The following ADAM10 variants were observed in gnomAD, a reference collection of about 807,000 sequenced individuals.
ADAM10 encodes ADAM metallopeptidase domain 10.
ADAM10 carries 17 observed loss-of-function variants against 90.1 expected under a neutral mutation model. The ratio of observed to expected loss-of-function variants is 0.19; its 90% CI spans 0.13 to 0.28. ADAM10 has a LOEUF of 0.28. ADAM10 is among the 10% of genes least tolerant of loss of function. The pLI is 1.00. For missense variants in ADAM10, 610 were observed against 914.3 expected (o/e 0.67, Z 4.29); for synonymous variants, 310 against 298.6 (o/e 1.04, Z -0.40).
intron 2 of ADAM10, among the ~76,000 whole-genome samples, chr15:58,702,587 T>C (rs528917194): frequency 6.6e-6 from 1 of 152,342 alleles, no homozygotes; most frequent in South Asian, 2.1e-4. Flanking sequence ...CATGTACAAG[T>C]ATTATGTATT....
chr15:58,677,309 A>G (rs1428976407), intron 4 of ADAM10, among the ~76,000 whole-genome samples: 5 of 152,208 alleles, frequency 3.3e-5, no homozygotes, highest in African/African-American at 1.2e-4. Flanking sequence ...ACAAACATAT[A>G]TTTACTTAAA....
chr15:58,726,818 A>G (rs1313714773), intron 1 of ADAM10, among the ~76,000 whole-genome samples: 1 of 150,702 alleles, frequency 6.6e-6, no homozygotes, highest in African/African-American at 2.4e-5. Context: ...CACTATGATC[A>G]CATTTGTGAA....
At chr15:58,717,423 T>G (rs1291545653) in intron 2 of ADAM10, among the ~76,000 whole-genome samples, 154 bp downstream of exon 2, 3 of 152,194 alleles carry the variant, frequency 2.0e-5, no homozygotes, top group Non-Finnish European at 4.4e-5. Context: ...TTAAAATAAG[T>G]CATTTTTTAA....
At chr15:58,626,565 A>G (rs565327752) in intron 10 of ADAM10, among the ~76,000 whole-genome samples, 8 of 152,310 alleles carry the variant, frequency 5.3e-5, no homozygotes, top group Non-Finnish European at 1.0e-4. Flanking sequence ...CAAGAAAGAC[A>G]TAACAGATGA....
intron 5 of ADAM10, among the ~76,000 whole-genome samples, chr15:58,655,687 T>TATATA: frequency 1.2e-5 from 1 of 80,306 alleles, no homozygotes; most frequent in South Asian, 4.3e-4. Context: ...CATATATATA[T>TATATA]TATATATAGT....
intron 2 of ADAM10, among the ~76,000 whole-genome samples, chr15:58,706,543 T>C (rs1451681058): frequency 4.6e-5 from 7 of 152,138 alleles, no homozygotes; most frequent in African/African-American, 1.7e-4. Flanking sequence ...ACTAGTATAC[T>C]TTTTAAAATA....
chr15:58,722,146 C>G (rs1397633038), intron 1 of ADAM10, among the ~76,000 whole-genome samples: 6 of 151,992 alleles, frequency 3.9e-5, no homozygotes, highest in Non-Finnish European at 5.9e-5. Flanking sequence ...TCAAGGCCAG[C>G]CTGGCCAACA....
chr15:58,631,579 C>T (rs533936216), intron 9 of ADAM10, among the ~76,000 whole-genome samples: 2 of 152,152 alleles, frequency 1.3e-5, no homozygotes, highest in South Asian at 4.2e-4. Context: ...CCATCAAAGA[C>T]CTACTAAAAA....
In ADAM10 at chr15:58,680,433, T is replaced by A. The variant is rs115902202; in HGVS notation, c.326-1151A>T. 6.1e-3 allele frequency among the ~76,000 whole-genome samples: 936 copies of A among 152,246 alleles called. 16 individuals carry two copies. The highest frequency in any genetic ancestry group is 0.022 in the African/African-American group (893 of 41,534). On this transcript the variant is annotated intron_variant, in intron 3 of 15. Coordinates refer to ENST00000260408, the MANE Select transcript of ADAM10 (RefSeq NM_001110.4). ...TCACCACGCCCAGCCTATAAACACATTTTTAAATAGAACAGTGTCAAATAT... is the reference window on the plus strand; with the variant it reads ...TCACCACGCCCAGCCTATAAACACAATTTTAAATAGAACAGTGTCAAATAT...
chr15:58,610,330 T>A lies in ADAM10; in HGVS notation c.1992A>T (p.Pro664=). ...LARLKKAIFS[P]ELYENIAEWI... The stretch of plus-strand genomic sequence containing the variant: ...ATTCAGCAATGTTTTCATAGAGCTC[T>A]GGACTAAAAATTGCTTTTTTAAGCC... The change falls in exon 14 of 16, where the codon CCA becomes CCT. Residue 664 remains proline, a synonymous_variant. Transcript: ENST00000260408. 1 of 1,614,180 alleles carries A rather than the reference T, an allele frequency of 6.2e-7. No individual in the cohort carries two copies. Among genetic ancestry groups the A allele is most frequent in the Non-Finnish European group, 8.5e-7 (1 of 1,179,998 alleles).
intron 11 of ADAM10, among the ~76,000 whole-genome samples, chr15:58,613,145 A>G (rs1302707885): frequency 6.6e-6 from 1 of 152,198 alleles, no homozygotes. Context: ...CCATTACCAC[A>G]AACTTCTACA....
chr15:58,654,492 C>G (rs1049172719), intron 5 of ADAM10, among the ~76,000 whole-genome samples: 1 of 152,176 alleles, frequency 6.6e-6, no homozygotes, highest in Non-Finnish European at 1.5e-5. Flanking sequence ...AATCCTCCTG[C>G]CTCAGCCTCC....
chr15:58,629,510 C>T (rs1177916406), intron 9 of ADAM10: 2 of 152,070 alleles, frequency 1.3e-5, no homozygotes, highest in African/African-American at 4.8e-5. Context: ...AACATAAAGG[C>T]CATCTTGACT....
intron 5 of ADAM10, among the ~76,000 whole-genome samples, chr15:58,649,056 C>A (rs1165265913): frequency 6.6e-6 from 1 of 151,970 alleles, no homozygotes; most frequent in Non-Finnish European, 1.5e-5. Flanking sequence ...AATCCATTTA[C>A]CTTTAATATA....
intron 1 of ADAM10, among the ~76,000 whole-genome samples, chr15:58,746,647 A>G (rs1355577786): frequency 2.0e-5 from 3 of 152,220 alleles, no homozygotes; most frequent in African/African-American, 7.2e-5. Context: ...AGGGTGGCTC[A>G]TGCCTGCAAT....
intron 10 of ADAM10, among the ~76,000 whole-genome samples, chr15:58,624,240 C>T (rs1353282779): frequency 2.0e-5 from 3 of 151,254 alleles, no homozygotes; most frequent in Non-Finnish European, 4.4e-5. Context: ...GAGCCGAGAT[C>T]GTGCCACTGC....
At chr15:58,712,154 C>T (rs1898494874) in intron 2 of ADAM10, among the ~76,000 whole-genome samples, 1 of 151,940 alleles carries the variant, frequency 6.6e-6, no homozygotes, top group Admixed American at 6.6e-5. Flanking sequence ...CAGAGATATT[C>T]CAACATGTTA....
Position 58,599,578 on chromosome 15 carries a change from T to C in ADAM10, c.2152+20A>G. The stretch of plus-strand genomic sequence containing the variant: ...CAATTCTGAGTTACATAAATATGTA[T>C]CTTGCTCAAATATTCTTACCTGGAA... On this transcript the variant is annotated intron_variant, in intron 15 of 15. Transcript: ENST00000260408. The C allele has an allele frequency of 6.2e-7, 1 of 1,611,794 alleles. No individual in the cohort carries two copies.
chr15:58,730,652 T>A (rs1296549572), intron 1 of ADAM10, among the ~76,000 whole-genome samples: 1 of 152,128 alleles, frequency 6.6e-6, no homozygotes, highest in African/African-American at 2.4e-5. Context: ...AGGTGTCAAC[T>A]TGACTAGATT....
Sources: gnomAD v4.1 joint callset for allele counts (sites outside exome capture counted in the v4.1 genomes callset) on GRCh38, gnomAD v4.1.1 for gene constraint, MANE v1.5 for transcripts, NCBI Gene and HGNC (gene_info 2026-07-23, HGNC 2026-07-21) for gene names.